Variants in GALNT18 observed in about 807,000 individuals in gnomAD.
The protein encoded by GALNT18 is GalNAc-transferase 18.
GALNT18 carries 44 observed loss-of-function variants against 69.5 expected under a neutral mutation model. The ratio of observed to expected loss-of-function variants is 0.63; its 90% CI spans 0.50 to 0.81. GALNT18 has a LOEUF of 0.81. GALNT18 is among the 40% of genes least tolerant of loss of function. GALNT18 has a pLI of 0.00. For missense variants in GALNT18, 715 were observed against 810.0 expected, an observed-to-expected ratio of 0.88 and a Z score of 1.42; for synonymous variants, 364 against 318.2, an observed-to-expected ratio of 1.14 and a Z score of -1.53.
chr11:11,448,635 A>G (rs1590012291), intron 2 of GALNT18, 109 bp downstream of exon 2: 1 of 675,418 alleles, frequency 1.5e-6, no homozygotes, highest in Non-Finnish European at 2.2e-6. Context: ...CTGAAGCAGG[A>G]AAGGGACCCA....
intron 5 of GALNT18, among the ~76,000 whole-genome samples, chr11:11,375,659 C>T (rs183521397): frequency 5.3e-5 from 8 of 152,322 alleles, no homozygotes; most frequent in African/African-American, 1.9e-4. Flanking sequence ...CAGTCTTGCT[C>T]TCCTCCTCTT....
chr11:11,329,618 C>T (rs1849985048), intron 8 of GALNT18, among the ~76,000 whole-genome samples: 1 of 152,348 alleles, frequency 6.6e-6, no homozygotes, highest in South Asian at 2.1e-4. Context: ...CAGGGTAGCA[C>T]TTAGCAGGTT....
rs1474572633 is a variant in GALNT18, at chr11:11,497,163, A to G, written c.236-48227T>C. Reference sequence around the variant, plus strand: ...TTCTTGTCATGCAAGTCTCAGCTCAATCATTGCTTGCCACAGGACAACCTT... The same window carrying G: ...TTCTTGTCATGCAAGTCTCAGCTCAGTCATTGCTTGCCACAGGACAACCTT... On this transcript the variant is annotated intron_variant, in intron 1 of 10. Coordinates refer to ENST00000227756, the MANE Select transcript of GALNT18 (RefSeq NM_198516.3). This position sits in a 1 kb window ranked among gnomAD's most constrained non-coding sequence, Gnocchi z 4.2. Among the ~76,000 whole-genome samples, 4 of 152,090 alleles carry G rather than the reference A, an allele frequency of 2.6e-5. No homozygotes were observed. The highest frequency in any genetic ancestry group is 4.4e-5 in the Non-Finnish European group (3 of 68,016).
rs7110342 is a variant in GALNT18 at position 11,327,390 on chromosome 11, C to T, written c.1417-209G>A. 6.2e-3 allele frequency among the ~76,000 whole-genome samples: 941 copies of T among 152,352 alleles called. 12 individuals are homozygous for T. Among genetic ancestry groups the T allele is most frequent in the African/African-American group, 0.021 (888 of 41,582 alleles). ...ACCAGCCTCCTTTGCAGGAGAAACA[C>T]TTACATGTCATTAAACAGTGAGCTG... On this transcript the variant is annotated intron_variant, in intron 8 of 10. Coordinates refer to ENST00000227756, the MANE Select transcript of GALNT18 (RefSeq NM_198516.3).
At chr11:11,565,240 C>T (rs748160751) in intron 1 of GALNT18, among the ~76,000 whole-genome samples, 6 of 152,214 alleles carry the variant, frequency 3.9e-5, no homozygotes, top group African/African-American at 7.2e-5. Context: ...ACACTCAGTG[C>T]TCCTTCTGTC....
chr11:11,367,813 A>G (rs1416967157), intron 6 of GALNT18, among the ~76,000 whole-genome samples: 1 of 152,204 alleles, frequency 6.6e-6, no homozygotes, highest in African/African-American at 2.4e-5. Context: ...CAAGTCTTAC[A>G]TTTTCCATAG....
chr11:11,336,778 G>A (rs1218566694), intron 7 of GALNT18, among the ~76,000 whole-genome samples: 4 of 152,288 alleles, frequency 2.6e-5, no homozygotes, highest in Non-Finnish European at 4.4e-5. Context: ...AGACACTATC[G>A]TAAACACTGT....
intron 1 of GALNT18, among the ~76,000 whole-genome samples, chr11:11,513,409 T>C (rs1027384764): frequency 6.6e-6 from 1 of 152,210 alleles, no homozygotes; most frequent in Non-Finnish European, 1.5e-5. Context: ...TTTGGGAGAA[T>C]CTGACTCTGG....
intron 10 of GALNT18, among the ~76,000 whole-genome samples, chr11:11,273,015 G>T (rs761389560): frequency 6.6e-6 from 1 of 152,066 alleles, no homozygotes. Flanking sequence ...CCTATCTCTC[G>T]CTATATATGA....
chr11:11,613,107 T>A lies in GALNT18; in HGVS notation c.235+8252A>T, dbSNP rs140870525. On this transcript the variant is annotated intron_variant, in intron 1 of 10. Transcript: ENST00000227756. The surrounding 1 kb of genome is among the most constrained non-coding windows in gnomAD (Gnocchi z 4.2). ...GCAGTGAAAGAGAACTACATCTCAGTACTGCATCCCCACTGGGACGAACTG... is the reference window on the plus strand; with the variant it reads ...GCAGTGAAAGAGAACTACATCTCAGAACTGCATCCCCACTGGGACGAACTG... Among the ~76,000 whole-genome samples the A allele has an allele frequency of 1.9e-3, 286 of 152,354 alleles. 2 individuals carry two copies. The highest frequency in any genetic ancestry group is 6.6e-3 in the African/African-American group (275 of 41,582).
At chr11:11,297,515 G>A (rs1849422738) in intron 9 of GALNT18, among the ~76,000 whole-genome samples, 1 of 152,140 alleles carries the variant, frequency 6.6e-6, no homozygotes, top group East Asian at 1.9e-4. Context: ...ACCTCCCTGG[G>A]GTCACTCCAG....
chr11:11,583,787 C>T lies in GALNT18; in HGVS notation c.235+37572G>A, dbSNP rs960468576. Reference sequence around the variant, plus strand: ...AAACCAGACTTATAGCACTATCGGCCAGTAATGGTTAAGCTCACATGATGT... The same window carrying T: ...AAACCAGACTTATAGCACTATCGGCTAGTAATGGTTAAGCTCACATGATGT... On this transcript the variant is annotated intron_variant, in intron 1 of 10. Transcript: ENST00000227756. This position sits in a 1 kb window ranked among gnomAD's most constrained non-coding sequence, Gnocchi z 4.7. Among the ~76,000 whole-genome samples the T allele has an allele frequency of 3.3e-5, 5 of 152,192 alleles. No individual in the cohort carries two copies. The highest frequency in any genetic ancestry group is 7.3e-5 in the Non-Finnish European group (5 of 68,030).
At chr11:11,367,511 A>G (rs1051811840) in intron 6 of GALNT18, among the ~76,000 whole-genome samples, 1 of 152,122 alleles carries the variant, frequency 6.6e-6, no homozygotes, top group African/African-American at 2.4e-5. Context: ...TAACAGCTCA[A>G]TCCAGTCAGG....
chr11:11,353,757 G>T (rs543990291), intron 6 of GALNT18, among the ~76,000 whole-genome samples: 4 of 152,260 alleles, frequency 2.6e-5, no homozygotes, highest in South Asian at 2.1e-4. Context: ...TGTCCAAAGG[G>T]TGTTGCCATG....
intron 6 of GALNT18, chr11:11,352,419 T>G: frequency 6.2e-7 from 1 of 1,614,146 alleles, no homozygotes; most frequent in Non-Finnish European, 8.5e-7. Flanking sequence ...GTCACGTCCA[T>G]GGAAAAATGG....
chr11:11,392,293 G>GA, intron 3 of GALNT18, among the ~76,000 whole-genome samples: 1 of 152,166 alleles, frequency 6.6e-6, no homozygotes, highest in Non-Finnish European at 1.5e-5. Context: ...AAAATACGCA[G>GA]AAAAAAGCTG....
chr11:11,593,752 G>A (rs552288059), intron 1 of GALNT18, among the ~76,000 whole-genome samples: 2 of 152,140 alleles, frequency 1.3e-5, no homozygotes, highest in South Asian at 4.2e-4. Flanking sequence ...AACACAGCAA[G>A]ACCCCATTTC....
rs531898192 is a variant in GALNT18, at chr11:11,320,420, T to C, written c.1512+6666A>G. Among the ~76,000 whole-genome samples, 40 of 152,292 alleles carry C rather than the reference T, an allele frequency of 2.6e-4. 1 individual carries two copies. The highest frequency in any genetic ancestry group is 5.4e-4 in the Non-Finnish European group (37 of 68,020). ...AAGCTCTCCTTGTCCTATGTGGCCA[T>C]GGTAACAATAAAGATCTTGCTGAGA... On this transcript the variant is annotated intron_variant, in intron 9 of 10. Transcript: ENST00000227756. The surrounding 1 kb of genome is among the most constrained non-coding windows in gnomAD (Gnocchi z 4.9).
rs1438846268 is a variant in GALNT18 at position 11,377,431 on chromosome 11, A to G, written c.780-52T>C. ...GGGTAACCATTTCCAAGGTGGAAAA[A>G]TCCAGAGTAGCATCTCCTGAAGGTC... On this transcript the variant is annotated intron_variant, in intron 4 of 10. Transcript: ENST00000227756. The surrounding 1 kb of genome is among the most constrained non-coding windows in gnomAD (Gnocchi z 4.6). 1.9e-6 allele frequency: 3 copies of G among 1,544,896 alleles called. No individual in the cohort carries two copies. In the African/African-American group the frequency reaches 4.1e-5, roughly 21 times the overall value.
Sources: gnomAD v4.1 joint callset for allele counts (sites outside exome capture counted in the v4.1 genomes callset) on GRCh38, gnomAD v4.1.1 for gene constraint, Gnocchi (gnomAD v3.1) non-coding constraint, MANE v1.5 for transcripts, NCBI Gene and HGNC (gene_info 2026-07-23, HGNC 2026-07-21) for gene names.